The following KCNH1 variants were observed in gnomAD, a reference collection of about 807,000 sequenced individuals.
The protein encoded by KCNH1 is voltage-gated delayed rectifier potassium channel KCNH1.
In KCNH1, 27 loss-of-function variants were observed where a neutral mutation model predicts 69.2. The observed-to-expected ratio is 0.39, with a 90% CI of 0.29 to 0.54. The LOEUF is 0.54. Ranked by LOEUF, KCNH1 falls within the 20% of genes least tolerant of loss-of-function variation. The probability of loss-of-function intolerance (pLI) is 0.68; values close to 1 mark genes in which losing one functional copy is unlikely to be tolerated. For synonymous variants in KCNH1, 456 were observed against 487.7 expected, an observed-to-expected ratio of 0.93 and a Z score of 0.86; for missense variants, 798 against 1,261.6, an observed-to-expected ratio of 0.63 and a Z score of 5.57.
In KCNH1 at chr1:210,919,896, G is replaced by A; in HGVS notation, c.1206C>T (p.Asp402=). ...WMACIWYSIG[D]YEIFDEDTKT... is the part of the protein sequence containing the mutation. ...TGGTGTCCTCGTCAAAGATCTCATAGTCCCCAATGCTGTACCAGATGCAGG... is the reference window on the plus strand; with the variant it reads ...TGGTGTCCTCGTCAAAGATCTCATAATCCCCAATGCTGTACCAGATGCAGG... The change falls in exon 7 of 11, where the codon GAC becomes GAT. Residue 402 remains aspartate (D), a synonymous_variant. Coordinates refer to ENST00000271751, the MANE Select transcript of KCNH1 (RefSeq NM_172362.3). The surrounding 1 kb of genome is among the most constrained non-coding windows in gnomAD (Gnocchi z 4.2). 6.2e-7 allele frequency: 1 copy of A among 1,614,166 alleles called. No homozygotes were observed. Among genetic ancestry groups the A allele is most frequent in the Non-Finnish European group, 8.5e-7 (1 of 1,180,020 alleles).
intron 5 of KCNH1, among the ~76,000 whole-genome samples, chr1:211,076,985 C>T (rs760105060): frequency 4.0e-5 from 6 of 151,804 alleles, no homozygotes; most frequent in Admixed American, 2.6e-4. Context: ...ATAGCCAATT[C>T]GATCAAGTGG....
intron 6 of KCNH1, among the ~76,000 whole-genome samples, chr1:210,933,928 T>C (rs896396857): frequency 6.6e-6 from 1 of 152,148 alleles, no homozygotes; most frequent in Non-Finnish European, 1.5e-5. Context: ...AGGACATACA[T>C]TGGGGAAAGG....
chr1:210,751,186 C>A (rs998715794), intron 10 of KCNH1, among the ~76,000 whole-genome samples: 1 of 152,172 alleles, frequency 6.6e-6, no homozygotes, highest in African/African-American at 2.4e-5. Flanking sequence ...AGAGGGTCAT[C>A]TACATAGACT....
rs560020629 is a variant in KCNH1 at position 211,072,486 on chromosome 1, C to G, written c.558+10294G>C. Among the ~76,000 whole-genome samples the G allele has an allele frequency of 1.6e-4, 25 of 152,164 alleles. 1 individual carries two copies. Among genetic ancestry groups the G allele is most frequent in the African/African-American group, 4.6e-4 (19 of 41,524 alleles). The stretch of plus-strand genomic sequence containing the variant: ...AAATTTTTATTTTACTTATTTTTAA[C>G]TAATCTAACAGATGACAGTTCAATG... On this transcript the variant is annotated intron_variant, in intron 5 of 10. Transcript: ENST00000271751.
intron 3 of KCNH1, among the ~76,000 whole-genome samples, chr1:211,094,572 C>T (rs1490193171): frequency 6.6e-6 from 1 of 152,234 alleles, no homozygotes; most frequent in Admixed American, 6.5e-5. Flanking sequence ...CTCTGTCTTA[C>T]CACCGGGCAC....
At chr1:210,894,130 T>C (rs971403775) in intron 7 of KCNH1, among the ~76,000 whole-genome samples, 3 of 152,232 alleles carry the variant, frequency 2.0e-5, no homozygotes, top group Non-Finnish European at 4.4e-5. Context: ...GTCATTTTTA[T>C]TGAATGTCAG....
chr1:211,040,185 C>A (rs777747312), intron 5 of KCNH1, among the ~76,000 whole-genome samples: 1 of 122,118 alleles, frequency 8.2e-6, no homozygotes, highest in Non-Finnish European at 1.7e-5. Context: ...AGCAAGACTC[C>A]GTCTCAAAAA....
chr1:210,944,124 G>C (rs569956544), intron 6 of KCNH1, among the ~76,000 whole-genome samples: 2 of 152,154 alleles, frequency 1.3e-5, no homozygotes, highest in African/African-American at 4.8e-5. Flanking sequence ...GGCCTAGCTC[G>C]GGTCACTCTG....
chr1:210,981,295 G>A (rs1688703845), intron 6 of KCNH1, among the ~76,000 whole-genome samples: 1 of 138,908 alleles, frequency 7.2e-6, no homozygotes, highest in Non-Finnish European at 1.5e-5. Context: ...CAGCATTAGA[G>A]ACATGATTGC....
In KCNH1 at chr1:210,690,180, A is replaced by G. The variant is rs1352854987; in HGVS notation, c.2113-6042T>C. Among the ~76,000 whole-genome samples, 8 of 152,188 alleles carry G rather than the reference A, an allele frequency of 5.3e-5. 2 individuals are homozygous for G. Among genetic ancestry groups the G allele is most frequent in the Non-Finnish European group, 1.5e-5 (1 of 68,034 alleles). On this transcript the variant is annotated intron_variant, in intron 10 of 10. Transcript: ENST00000271751. ...ACGCGCAGGCCCTGCAACCACCTTT[A>G]ACTCTTTCTTTCTTAGATCTGACAA...
intron 7 of KCNH1, among the ~76,000 whole-genome samples, chr1:210,819,293 T>C (rs1274209338): frequency 6.6e-6 from 1 of 152,196 alleles, no homozygotes; most frequent in East Asian, 1.9e-4. Context: ...TTTTCCCTTT[T>C]TCTTACTTGA....
intron 10 of KCNH1, among the ~76,000 whole-genome samples, chr1:210,750,607 T>C (rs1207690397): frequency 6.6e-6 from 1 of 152,114 alleles, no homozygotes; most frequent in Non-Finnish European, 1.5e-5. Context: ...AATTATACTG[T>C]CAAATCTCTT....
chr1:211,032,334 G>C (rs1216161597), intron 5 of KCNH1, among the ~76,000 whole-genome samples: 2 of 152,286 alleles, frequency 1.3e-5, no homozygotes, highest in African/African-American at 4.8e-5. Context: ...TGGACACACT[G>C]CCCAAGGTAA....
chr1:210,970,393 ATTCCTGTGTGGTTTCCTG>A (rs1271376992), intron 6 of KCNH1, among the ~76,000 whole-genome samples: 5 of 151,280 alleles, frequency 3.3e-5, no homozygotes, highest in African/African-American at 4.9e-5. Flanking sequence ...TTAGTTTCCC[ATTCCTGTGTGGTTTCCTG>A]TTCCTGTGTT....
At chr1:210,779,231 C>A (rs1184718103) in intron 9 of KCNH1, among the ~76,000 whole-genome samples, 1 of 152,168 alleles carries the variant, frequency 6.6e-6, no homozygotes, top group African/African-American at 2.4e-5. Flanking sequence ...AGTTGATTTT[C>A]AACCCAAATT....
chr1:210,919,549 A>G lies in KCNH1; in HGVS notation c.1462+91T>C. The stretch of plus-strand genomic sequence containing the variant: ...AAACTCTTCCTTGTTTTAAGTTATT[A>G]TTCTCCTGATCCTGCTGGCACTGTA... On this transcript the variant is annotated intron_variant, in intron 7 of 10. Coordinates refer to ENST00000271751, the MANE Select transcript of KCNH1 (RefSeq NM_172362.3). The surrounding 1 kb of genome is among the most constrained non-coding windows in gnomAD (Gnocchi z 4.2). 8.5e-7 allele frequency: 1 copy of G among 1,182,302 alleles called. No individual in the cohort carries two copies. The highest frequency in any genetic ancestry group is 1.2e-6 in the Non-Finnish European group (1 of 824,456). 73.2% of individuals were successfully genotyped at this position (1,182,302 alleles called of 1,614,324 possible).
intron 6 of KCNH1, among the ~76,000 whole-genome samples, chr1:210,975,924 T>C (rs2102372155): frequency 6.6e-6 from 1 of 151,972 alleles, no homozygotes; most frequent in South Asian, 2.1e-4. Context: ...AACAACCCCA[T>C]CAAAAAGTAG....
At chr1:210,888,357 C>T (rs1337348870) in intron 7 of KCNH1, among the ~76,000 whole-genome samples, 1 of 151,974 alleles carries the variant, frequency 6.6e-6, no homozygotes, top group Non-Finnish European at 1.5e-5. Context: ...TCCTTGAAAC[C>T]AATGAGAACA....
intron 7 of KCNH1, among the ~76,000 whole-genome samples, chr1:210,828,403 G>A (rs370028318): frequency 1.3e-5 from 2 of 152,110 alleles, no homozygotes; most frequent in Non-Finnish European, 2.9e-5. Context: ...GACAAATTGG[G>A]CATTGATAAG....
Sources: allele counts gnomAD v4.1 joint callset (sites outside exome capture counted in the v4.1 genomes callset), GRCh38; gene constraint gnomAD v4.1.1; non-coding constraint Gnocchi (gnomAD v3.1); transcripts MANE v1.5; gene names NCBI Gene and HGNC (gene_info 2026-07-23, HGNC 2026-07-21).